The following CPED1 variants were observed in gnomAD, a reference collection of about 807,000 sequenced individuals.
The protein encoded by CPED1 is cadherin-like and PC-esterase domain-containing protein 1.
In CPED1, 114 loss-of-function variants were observed where a neutral mutation model predicts 128.2. That is an observed-to-expected ratio of 0.89 (90% CI 0.76 to 1.04). The LOEUF is 1.04. CPED1 is among the 50% of genes least tolerant of loss of function. The pLI, the probability that CPED1 is intolerant of heterozygous loss-of-function variation, is 0.00. For synonymous variants in CPED1, 462 were observed against 426.7 expected (o/e 1.08, Z -1.02); for missense variants, 1,211 against 1,207.1 (o/e 1.00, Z -0.05).
intron 12 of CPED1, 142 bp downstream of exon 12, chr7:121,130,436 C>T (rs1268733470): frequency 6.4e-6 from 4 of 621,514 alleles, no homozygotes; most frequent in Non-Finnish European, 8.1e-6. Context: ...AAATAAATGT[C>T]TTTAAACATT....
chr7:121,241,900 C>CAGTG (rs746997984), intron 17 of CPED1, among the ~76,000 whole-genome samples: 1 of 152,120 alleles, frequency 6.6e-6, no homozygotes, highest in Non-Finnish European at 1.5e-5. Flanking sequence ...CTAATTTAAA[C>CAGTG]AGTGAGTTTT....
chr7:121,051,409 TA>T, intron 4 of CPED1: 1 of 473,804 alleles, frequency 2.1e-6, no homozygotes, highest in South Asian at 1.7e-5. Context: ...GCTGGTTGTT[TA>T]TTTTTTTGGC....
At chr7:121,194,040 A>ATTT in intron 16 of CPED1, among the ~76,000 whole-genome samples, 2 of 109,608 alleles carry the variant, frequency 1.8e-5, no homozygotes, top group African/African-American at 3.7e-5. Flanking sequence ...ATATATATAT[A>ATTT]TATATATATT....
chr7:121,116,586 A>T (rs544007667), intron 7 of CPED1, among the ~76,000 whole-genome samples: 10 of 152,176 alleles, frequency 6.6e-5, no homozygotes, highest in South Asian at 2.1e-4. Flanking sequence ...ACAGTTTTGA[A>T]CATGTTTTAG....
intron 2 of CPED1, among the ~76,000 whole-genome samples, chr7:121,004,918 A>C (rs1463423767): frequency 6.6e-6 from 1 of 152,200 alleles, no homozygotes; most frequent in Non-Finnish European, 1.5e-5. Flanking sequence ...TCTAAGAAGT[A>C]TGTTCACTGT....
chr7:121,289,202 G>A (rs2116786640), intron 22 of CPED1, among the ~76,000 whole-genome samples: 1 of 152,222 alleles, frequency 6.6e-6, no homozygotes, highest in East Asian at 1.9e-4. Flanking sequence ...TGATCTGAGG[G>A]CCAGATCAAG....
intron 5 of CPED1, among the ~76,000 whole-genome samples, chr7:121,068,772 G>A (rs971364888): frequency 1.3e-5 from 2 of 151,832 alleles, no homozygotes; most frequent in Non-Finnish European, 2.9e-5. Flanking sequence ...CCATTTGTTT[G>A]TATCCTCTTT....
chr7:121,178,231 A>G (rs1796826972), intron 16 of CPED1, among the ~76,000 whole-genome samples: 1 of 152,096 alleles, frequency 6.6e-6, no homozygotes, highest in African/African-American at 2.4e-5. Flanking sequence ...ATCAGAGACA[A>G]CACCACTGAA....
intron 16 of CPED1, among the ~76,000 whole-genome samples, chr7:121,190,852 T>C (rs1797120468): frequency 6.6e-6 from 1 of 152,100 alleles, no homozygotes; most frequent in Non-Finnish European, 1.5e-5. Flanking sequence ...ACACATAAAA[T>C]CTGAAACCTG....
At chr7:121,159,032 A>T (rs1425749339) in intron 16 of CPED1, among the ~76,000 whole-genome samples, 1 of 152,150 alleles carries the variant, frequency 6.6e-6, no homozygotes, top group African/African-American at 2.4e-5. Context: ...AACCCCCCGA[A>T]ATATATTTCG....
At chr7:121,158,778 AC>A (rs1167711558) in intron 16 of CPED1, among the ~76,000 whole-genome samples, 1 of 152,170 alleles carries the variant, frequency 6.6e-6, no homozygotes, top group African/African-American at 2.4e-5. Flanking sequence ...ATAATAAGAA[AC>A]GATAGTCATT....
At chr7:121,090,191 A>G (rs1343893468) in intron 5 of CPED1, among the ~76,000 whole-genome samples, 1 of 152,160 alleles carries the variant, frequency 6.6e-6, no homozygotes, top group Non-Finnish European at 1.5e-5. Flanking sequence ...AGTGCTCCAT[A>G]AGCATTTGAT....
At chr7:121,136,275 T>C (rs1795781527) in intron 14 of CPED1, among the ~76,000 whole-genome samples, 185 bp downstream of exon 14, 1 of 152,108 alleles carries the variant, frequency 6.6e-6, no homozygotes, top group Admixed American at 6.6e-5. Context: ...GAACATAAAA[T>C]ATTACATTTT....
chr7:121,295,499 T>A lies in CPED1; in HGVS notation c.2928T>A (p.Asn976Lys). Residue 976 changes from asparagine to lysine, a missense_variant, in exon 23 of 23, where the codon AAT (asparagine) becomes AAA (lysine). By Grantham distance (94) the Asn-to-Lys change is moderately conservative (BLOSUM62 0). Coordinates refer to ENST00000310396, the MANE Select transcript of CPED1 (RefSeq NM_024913.5). ...TTATTAAAATGAAAAGATCAAGAAA[T>A]CATATCATGGGAAGATATTTCAGCA... ...YNFIKMKRSR[N>K]HIMGRYFSNQ... 6.2e-7 allele frequency: 1 copy of A among 1,613,908 alleles called. No homozygotes were observed. The highest frequency in any genetic ancestry group is 8.5e-7 in the Non-Finnish European group (1 of 1,179,862).
intron 16 of CPED1, among the ~76,000 whole-genome samples, chr7:121,155,587 T>C (rs1265955551): frequency 6.6e-6 from 1 of 152,202 alleles, no homozygotes; most frequent in Non-Finnish European, 1.5e-5. Context: ...TCACTTAAGA[T>C]GCCACAAACA....
At chr7:121,236,860 T>A in intron 17 of CPED1, 29 bp downstream of exon 17, 1 of 1,226,432 alleles carries the variant, frequency 8.2e-7, no homozygotes, top group Non-Finnish European at 1.2e-6. Context: ...ATCACTTCTC[T>A]AAAAAAAGAA....
rs551182291 is a variant in CPED1, at chr7:121,203,785, G to C, written c.2056-32929G>C. 2.6e-5 allele frequency among the ~76,000 whole-genome samples: 4 copies of C among 152,238 alleles called. No homozygotes were observed. In the East Asian group the frequency reaches 5.8e-4, roughly 22 times the overall value. ...AAAAGGTAATTGTATTAAATGAGTA[G>C]ATTATGAGGCTGTGTTTTGTTTTGG... On this transcript the variant is annotated intron_variant, in intron 16 of 22. Coordinates refer to ENST00000310396, the MANE Select transcript of CPED1 (RefSeq NM_024913.5).
At chr7:121,135,965 C>G in intron 13 of CPED1, 75 bp from the exon 14 acceptor site, 6 of 1,128,486 alleles carry the variant, frequency 5.3e-6, no homozygotes, top group Non-Finnish European at 7.3e-6. Context: ...ATTAAGTTAT[C>G]TAATAGCTAA....
rs149209933 is a variant in CPED1 at position 121,245,407 on chromosome 7, G to A, written c.2310+1069G>A. Among the ~76,000 whole-genome samples the A allele has an allele frequency of 1.7e-3, 261 of 152,214 alleles. 1 individual carries two copies. Among genetic ancestry groups the A allele is most frequent in the African/African-American group, 6.0e-3 (250 of 41,548 alleles). ...GAGCATTGATTTTGTGCAAGAAACT[G>A]TGTTTCTTGCTAAATTTGTTACACT... On this transcript the variant is annotated intron_variant, in intron 18 of 22. Coordinates refer to ENST00000310396, the MANE Select transcript of CPED1 (RefSeq NM_024913.5).
Sources: gnomAD v4.1 joint callset for allele counts (sites outside exome capture counted in the v4.1 genomes callset) on GRCh38, gnomAD v4.1.1 for gene constraint, MANE v1.5 for transcripts, NCBI Gene and HGNC (gene_info 2026-07-23, HGNC 2026-07-21) for gene names.